CELF2: variants seen among roughly 807,000 people sequenced by gnomAD.
CELF2 encodes the protein CUGBP Elav-like family member 2, also known as CUG triplet repeat RNA-binding protein 2.
Under a neutral mutation model 62.6 loss-of-function variants are expected in CELF2, and 8 were observed. The ratio of observed to expected loss-of-function variants is 0.13; its 90% CI spans 0.07 to 0.23. The LOEUF (loss-of-function observed/expected upper bound fraction) is 0.23, where lower values mean the gene tolerates loss of function less well. Among genes scored for constraint, CELF2 ranks in the 10% least tolerant of loss-of-function variants. The pLI, the probability that CELF2 is intolerant of heterozygous loss-of-function variation, is 1.00. For missense variants in CELF2, 333 were observed against 671.0 expected (o/e 0.50, Z 5.56); for synonymous variants, 258 against 250.0 (o/e 1.03, Z -0.30).
intron 2 of CELF2, among the ~76,000 whole-genome samples, chr10:10,974,532 T>A (rs1414691335): frequency 6.6e-6 from 1 of 152,178 alleles, no homozygotes; most frequent in African/African-American, 2.4e-5. Context: ...ATGTAATTGA[T>A]CAAACTCAAG....
chr10:10,834,329 G>A (rs979650275), intron 1 of CELF2, among the ~76,000 whole-genome samples: 1 of 152,142 alleles, frequency 6.6e-6, no homozygotes, highest in Admixed American at 6.5e-5. Flanking sequence ...GTTGGGAGGA[G>A]GGAGAGGCTC....
chr10:10,904,743 GAAATACAGTTTTACCCCATACCCTTGAT>G (rs1233545978), intron 1 of CELF2, among the ~76,000 whole-genome samples: 1 of 152,274 alleles, frequency 6.6e-6, no homozygotes, highest in Admixed American at 6.5e-5. Flanking sequence ...ATACTCCTGA[GAAATACAGTTTTACCCCATACCCTTGAT>G]AAATACCATT....
In CELF2 at chr10:11,156,787, G is replaced by T. The variant is rs1023983910; in HGVS notation, c.75-8699G>T. Among the ~76,000 whole-genome samples, 1 of 152,154 alleles carries T rather than the reference G, an allele frequency of 6.6e-6. No homozygotes were observed. Among genetic ancestry groups the T allele is most frequent in the Non-Finnish European group, 1.5e-5 (1 of 68,028 alleles). Reference sequence around the variant, plus strand: ...AAAGGCCAGAGCAAGCAGCCAGTCCGCATTACACGCATGTTCTGTGTGCAG... The same window carrying T: ...AAAGGCCAGAGCAAGCAGCCAGTCCTCATTACACGCATGTTCTGTGTGCAG... On this transcript the variant is annotated intron_variant, in intron 1 of 12. Transcript: ENST00000633077. The surrounding 1 kb of genome is among the most constrained non-coding windows in gnomAD (Gnocchi z 4.3).
intron 1 of CELF2, among the ~76,000 whole-genome samples, chr10:10,865,404 A>T (rs2060292811): frequency 6.6e-6 from 1 of 152,338 alleles, no homozygotes; most frequent in Admixed American, 6.5e-5. Flanking sequence ...CCAAAATAAA[A>T]TATATGAATT....
chr10:10,574,864 C>A, the CELF2 span, among the ~76,000 whole-genome samples: 1 of 142,664 alleles, frequency 7.0e-6, no homozygotes, highest in Non-Finnish European at 1.5e-5. Context: ...TGCCCGCCAC[C>A]ATGCCTGGTT....
At chr10:10,925,867 C>A (rs185638810) in intron 2 of CELF2, among the ~76,000 whole-genome samples, 124 of 152,252 alleles carry the variant, frequency 8.1e-4, no homozygotes, top group Admixed American at 9.1e-4. Flanking sequence ...CAGCGCCCAA[C>A]CATCATACAG....
At chr10:11,090,286 G>A (rs2047976935) in intron 1 of CELF2, among the ~76,000 whole-genome samples, 1 of 152,038 alleles carries the variant, frequency 6.6e-6, no homozygotes, top group Non-Finnish European at 1.5e-5. Context: ...GGAAAAGAGA[G>A]GATTTTTGTA....
At chr10:10,952,984 G>T (rs2048487154) in intron 2 of CELF2, among the ~76,000 whole-genome samples, 1 of 152,058 alleles carries the variant, frequency 6.6e-6, no homozygotes, top group South Asian at 2.1e-4. Context: ...TGGTGAGTTG[G>T]TTCAGATGTC....
chr10:11,152,638 T>C (rs372813423), intron 1 of CELF2, among the ~76,000 whole-genome samples: 2 of 152,368 alleles, frequency 1.3e-5, no homozygotes, highest in South Asian at 2.1e-4. Flanking sequence ...TTCTTAGTAA[T>C]CTTTTCTCCC....
At chr10:10,734,524 C>T in the CELF2 span, among the ~76,000 whole-genome samples, 2 of 152,174 alleles carry the variant, frequency 1.3e-5, no homozygotes, top group Non-Finnish European at 2.9e-5. Flanking sequence ...TAGGCACAAG[C>T]CTGGATGTCC....
intron 1 of CELF2, among the ~76,000 whole-genome samples, chr10:10,883,047 C>T (rs2061532304): frequency 6.6e-6 from 1 of 152,188 alleles, no homozygotes; most frequent in Admixed American, 6.5e-5. Context: ...TAAGGTAGCA[C>T]CAGGAGCAAG....
At chr10:10,570,919 T>C in the CELF2 span, among the ~76,000 whole-genome samples, 5 of 152,256 alleles carry the variant, frequency 3.3e-5, no homozygotes, top group African/African-American at 1.2e-4. Context: ...AGTAGCTTTT[T>C]TGAGGTTGAA....
chr10:11,061,315 A>G (rs1156745358), intron 1 of CELF2, among the ~76,000 whole-genome samples: 7 of 152,380 alleles, frequency 4.6e-5, no homozygotes, highest in Middle Eastern at 3.4e-3. Flanking sequence ...GAGCAAGTCC[A>G]TAACTCTTCA....
At chr10:10,874,493 A>G (rs1591434865) in intron 1 of CELF2, among the ~76,000 whole-genome samples, 1 of 152,182 alleles carries the variant, frequency 6.6e-6, no homozygotes. Context: ...ATACCAGCTG[A>G]TAACTATGAG....
chr10:10,610,737 G>A, the CELF2 span, among the ~76,000 whole-genome samples: 1 of 152,148 alleles, frequency 6.6e-6, no homozygotes, highest in African/African-American at 2.4e-5. Context: ...ATTCAGCACA[G>A]TCAATAAAAA....
In CELF2 at chr10:11,197,102, C is replaced by G. The variant is rs1339381992; in HGVS notation, c.272-20323C>G. Among the ~76,000 whole-genome samples, 5 of 137,324 alleles carry G rather than the reference C, an allele frequency of 3.6e-5. 1 individual carries two copies. The highest frequency in any genetic ancestry group is 1.3e-4 in the African/African-American group (5 of 38,576). The allele number at this position is 137,324 out of a possible 152,430, so 90.1% of individuals were successfully genotyped here. On this transcript the variant is annotated intron_variant, in intron 2 of 12. Coordinates refer to ENST00000633077, the MANE Select transcript of CELF2 (RefSeq NM_001326342.2). ...AAGAAAGAAGAAAGAAAGAAGGGTTCCCATTGTTCTCGCATTCATTGTCTG... is the reference window on the plus strand; with the variant it reads ...AAGAAAGAAGAAAGAAAGAAGGGTTGCCATTGTTCTCGCATTCATTGTCTG...
chr10:10,773,516 G>A, the CELF2 span, among the ~76,000 whole-genome samples: 3 of 152,258 alleles, frequency 2.0e-5, no homozygotes, highest in African/African-American at 7.2e-5. Flanking sequence ...TGTTGTATGG[G>A]TAAAAATAAG....
intron 1 of CELF2, among the ~76,000 whole-genome samples, chr10:11,022,027 A>G (rs751863530): frequency 6.6e-6 from 1 of 152,230 alleles, no homozygotes; most frequent in Non-Finnish European, 1.5e-5. Flanking sequence ...GATCAAAAGC[A>G]GTGGGGTTCT....
chr10:10,988,809 A>T (rs2136619514), intron 2 of CELF2, among the ~76,000 whole-genome samples: 1 of 152,300 alleles, frequency 6.6e-6, no homozygotes, highest in Non-Finnish European at 1.5e-5. Context: ...AAGGGCACAA[A>T]CTGTCATCAT....
Sources: gnomAD v4.1 joint callset for allele counts (sites outside exome capture counted in the v4.1 genomes callset) on GRCh38, gnomAD v4.1.1 for gene constraint, Gnocchi (gnomAD v3.1) non-coding constraint, MANE v1.5 for transcripts, NCBI Gene and HGNC (gene_info 2026-07-23, HGNC 2026-07-21) for gene names.